The following DCHS2 variants were observed in gnomAD, a reference collection of about 807,000 sequenced individuals.
The protein encoded by DCHS2 is protocadherin-23.
A neutral mutation model predicts 182.4 loss-of-function variants in DCHS2; 142 were observed. That is an observed-to-expected ratio of 0.78 (90% CI 0.68 to 0.89). The LOEUF (loss-of-function observed/expected upper bound fraction) is 0.89. DCHS2 is among the 40% of genes least tolerant of loss of function. The pLI is 0.00. For synonymous variants in DCHS2, 1,740 were observed against 1,663.3 expected, an observed-to-expected ratio of 1.05 and a Z score of -1.12; for missense variants, 4,319 against 4,198.6, an observed-to-expected ratio of 1.03 and a Z score of -0.79.
intron 13 of DCHS2, among the ~76,000 whole-genome samples, chr4:154,287,592 T>C (rs1734460926): frequency 6.6e-6 from 1 of 152,118 alleles, no homozygotes; most frequent in Non-Finnish European, 1.5e-5. Flanking sequence ...GTGATACTTG[T>C]ACCTCTGCTT....
chr4:154,424,767 C>A (rs1417055542), intron 1 of DCHS2, among the ~76,000 whole-genome samples: 3 of 152,158 alleles, frequency 2.0e-5, no homozygotes, highest in Non-Finnish European at 4.4e-5. Context: ...TGGCAGAAAA[C>A]AGAAAGATTA....
In DCHS2 at chr4:154,490,216, C is replaced by G; in HGVS notation, c.1140G>C (p.Gln380His). ...PLDREAQAWH[Q>H]LVVEARDGGA... ...CTCCATCGCGGGCCTCCACCACCAA[C>G]TGGTGCCAGGCCTGTGCCTCGCGGT... The change falls in exon 1 of 20, where the codon CAG (glutamine) becomes CAC (histidine). Residue 380 changes from glutamine to histidine, a missense_variant. By Grantham distance (24) the Gln-to-His change is conservative. Transcript: ENST00000357232. 6.5e-7 allele frequency: 1 copy of G among 1,549,674 alleles called. No homozygotes were observed. Among genetic ancestry groups the G allele is most frequent in the Admixed American group, 2.0e-5 (1 of 51,000 alleles).
At chr4:154,251,039 C>A (rs1732327982) in intron 16 of DCHS2, among the ~76,000 whole-genome samples, 1 of 152,142 alleles carries the variant, frequency 6.6e-6, no homozygotes, top group Admixed American at 6.5e-5. Flanking sequence ...TTCCCTTTTT[C>A]TCAGGGCATC....
At chr4:154,361,820 A>G (rs1413989180) in intron 3 of DCHS2, among the ~76,000 whole-genome samples, 1 of 152,104 alleles carries the variant, frequency 6.6e-6, no homozygotes, top group East Asian at 1.9e-4. Context: ...CTATTTTTAA[A>G]TGCATGAGTC....
intron 1 of DCHS2, chr4:154,391,122 G>C (rs780098249): frequency 3.2e-6 from 5 of 1,552,680 alleles, no homozygotes; most frequent in Non-Finnish European, 4.4e-6. Context: ...AGAAGGAACA[G>C]ACTTATAAAA....
rs577983247 is a variant in DCHS2 at position 154,252,432 on chromosome 4, C to G, written c.6941+3087G>C. The stretch of plus-strand genomic sequence containing the variant: ...CAGCAAATACTGGGTCTTATTCATT[C>G]ATTCCAACTATATTTTGTAATCTTT... On this transcript the variant is annotated intron_variant, in intron 16 of 19. Coordinates refer to ENST00000357232, the MANE Select transcript of DCHS2 (RefSeq NM_001358235.2). Among the ~76,000 whole-genome samples, 16 of 152,216 alleles carry G rather than the reference C, an allele frequency of 1.1e-4. No individual in the cohort carries two copies. The South Asian group carries it at 3.3e-3, about 32-fold the overall frequency.
intron 1 of DCHS2, among the ~76,000 whole-genome samples, chr4:154,484,582 T>C (rs1026235890): frequency 6.6e-6 from 1 of 152,230 alleles, no homozygotes; most frequent in African/African-American, 2.4e-5. Context: ...ATTTACCTGA[T>C]CTACTTTCAC....
At position 154,490,347 on chromosome 4, in the gene DCHS2, C is replaced by G. The variant is rs372469043; in HGVS notation, c.1009G>C (p.Ala337Pro). Reference protein sequence around the residue: ...PNGFVRYSVRARQVPGAGSGG... With the variant: ...PNGFVRYSVRPRQVPGAGSGG... ...CTACCCGCCCCAGGCACTTGCCGGG[C>G]GCGGACGCTGTAGCGCACGAAGCCA... is the stretch of plus-strand genomic sequence containing the variant. The change falls in exon 1 of 20, where the codon GCC (alanine) becomes CCC (proline). Residue 337 changes from alanine (A) to proline (P), a missense_variant. Ala to Pro is a conservative substitution (Grantham distance 27, BLOSUM62 -1). Transcript: ENST00000357232. 4.9e-5 allele frequency: 76 copies of G among 1,540,546 alleles called. 1 individual carries two copies. The East Asian group carries it at 9.1e-4, about 18-fold the overall frequency.
chr4:154,405,480 C>G (rs1732362718), intron 1 of DCHS2, among the ~76,000 whole-genome samples: 1 of 150,724 alleles, frequency 6.6e-6, no homozygotes, highest in South Asian at 2.1e-4. Flanking sequence ...ATTTTCATTG[C>G]TCCATTCACT....
chr4:154,256,291 G>T (rs1449620093), intron 15 of DCHS2, among the ~76,000 whole-genome samples: 1 of 152,014 alleles, frequency 6.6e-6, no homozygotes, highest in Admixed American at 6.6e-5. Flanking sequence ...GCGCCACCAT[G>T]CCCAGCTAAT....
intron 1 of DCHS2, among the ~76,000 whole-genome samples, chr4:154,454,787 C>G (rs1219423008): frequency 6.6e-6 from 1 of 152,208 alleles, no homozygotes; most frequent in Non-Finnish European, 1.5e-5. Context: ...GCTCATAGTA[C>G]AGTTGCTTTT....
At chr4:154,365,091 T>A (rs190214422) in intron 3 of DCHS2, among the ~76,000 whole-genome samples, 7 of 152,274 alleles carry the variant, frequency 4.6e-5, no homozygotes, top group Non-Finnish European at 1.0e-4. Flanking sequence ...TTCTTAAATA[T>A]TCATGATTTC....
At chr4:154,345,922 G>A (rs923837623) in intron 3 of DCHS2, among the ~76,000 whole-genome samples, 12 of 152,176 alleles carry the variant, frequency 7.9e-5, no homozygotes, top group African/African-American at 2.9e-4. Flanking sequence ...AGACTGGGTC[G>A]CTCACACTTC....
intron 1 of DCHS2, among the ~76,000 whole-genome samples, chr4:154,433,244 G>T (rs985525328): frequency 3.3e-5 from 5 of 152,078 alleles, no homozygotes; most frequent in Non-Finnish European, 7.4e-5. Flanking sequence ...GAGGGAGGAA[G>T]GATTACTGAG....
At chr4:154,381,764 A>T (rs1196334563) in intron 1 of DCHS2, among the ~76,000 whole-genome samples, 1 of 152,162 alleles carries the variant, frequency 6.6e-6, no homozygotes, top group Non-Finnish European at 1.5e-5. Context: ...ACTACAAAAC[A>T]CTGCTGAAAG....
At position 154,255,673 on chromosome 4, in the gene DCHS2, G is replaced by T. The variant is rs748964837; in HGVS notation, c.6790-3C>A. 24 of 1,611,320 alleles carry T rather than the reference G, an allele frequency of 1.5e-5. No individual in the cohort carries two copies. The African/African-American group carries it at 3.2e-4, about 22-fold the overall frequency. On this transcript the variant is annotated splice_region_variant and splice_polypyrimidine_tract_variant and intron_variant, in intron 15 of 19. Transcript: ENST00000357232. ...CTGTCCAAGTCGGTAGCAAAAACCT[G>T]TGAGGAACCGACTGTTTCATTAGAT...
At chr4:154,268,164 C>G (rs1276528189) in intron 14 of DCHS2, among the ~76,000 whole-genome samples, 1 of 152,044 alleles carries the variant, frequency 6.6e-6, no homozygotes, top group African/African-American at 2.4e-5. Flanking sequence ...TACTGTAGAT[C>G]TTAGCAACCT....
chr4:154,273,635 AC>A (rs1031143232), intron 13 of DCHS2, among the ~76,000 whole-genome samples: 2 of 152,052 alleles, frequency 1.3e-5, no homozygotes, highest in African/African-American at 2.4e-5. Context: ...AAACAAAAAA[AC>A]AAATATGTAT....
intron 16 of DCHS2, among the ~76,000 whole-genome samples, chr4:154,247,286 T>C (rs113303283): frequency 6.6e-6 from 1 of 151,524 alleles, no homozygotes; most frequent in Non-Finnish European, 1.5e-5. Context: ...GAGACCAGCC[T>C]GGCCAATTTG....
Sources: gnomAD v4.1 joint callset for allele counts (sites outside exome capture counted in the v4.1 genomes callset) on GRCh38, gnomAD v4.1.1 for gene constraint, MANE v1.5 for transcripts, NCBI Gene and HGNC (gene_info 2026-07-23, HGNC 2026-07-21) for gene names.